DNAJC16: variants seen among roughly 807,000 people sequenced by gnomAD.
DNAJC16 encodes the protein dnaJ homolog subfamily C member 16.
DNAJC16 carries 76 observed loss-of-function variants against 92.7 expected under a neutral mutation model. The observed-to-expected ratio is 0.82, with a 90% CI of 0.68 to 0.99. The LOEUF (loss-of-function observed/expected upper bound fraction) is 0.99, where lower values mean the gene tolerates loss of function less well. DNAJC16 is among the 50% of genes least tolerant of loss of function. The probability of loss-of-function intolerance (pLI) is 0.00; values close to 1 mark genes in which losing one functional copy is unlikely to be tolerated. For synonymous variants in DNAJC16, 328 were observed against 358.7 expected (o/e 0.91, Z 0.97); for missense variants, 869 against 942.4 (o/e 0.92, Z 1.02).
At chr1:15,564,465 G>A in intron 11 of DNAJC16, 106 bp downstream of exon 11, 1 of 762,000 alleles carries the variant, frequency 1.3e-6, no homozygotes, top group South Asian at 1.5e-5. Context: ...TACACTTGAT[G>A]GGGCAAGTGG....
In DNAJC16 at chr1:15,534,246, C is replaced by T. The variant is rs760509270; in HGVS notation, c.177C>T (p.Asp59=). 3.0e-5 allele frequency: 48 copies of T among 1,613,926 alleles called. No homozygotes were observed. The highest frequency in any genetic ancestry group is 3.6e-5 in the Non-Finnish European group (43 of 1,179,940). Reference sequence around the variant, plus strand: ...CCTGTTTGTGTTTCAGGCATCCTGACAAAAACAAAGATCCTGGAGCAGAAG... The same window carrying T: ...CCTGTTTGTGTTTCAGGCATCCTGATAAAAACAAAGATCCTGGAGCAGAAG... ...YKKLAREWHP[D]KNKDPGAEDK... The change falls in exon 3 of 15, where the codon GAC becomes GAT. Residue 59 remains aspartate (D), a synonymous_variant. Coordinates refer to ENST00000375847, the MANE Select transcript of DNAJC16 (RefSeq NM_015291.4).
chr1:15,533,472 C>G (rs1181675659), intron 2 of DNAJC16, among the ~76,000 whole-genome samples: 1 of 152,032 alleles, frequency 6.6e-6, no homozygotes, highest in African/African-American at 2.4e-5. Flanking sequence ...ACTAAAAATA[C>G]AAAAATTAGC....
At position 15,562,149 on chromosome 1, in the gene DNAJC16, G is replaced by A. The variant is rs143037370; in HGVS notation, c.1162G>A (p.Val388Met). 867 of 1,613,656 alleles carry A rather than the reference G, an allele frequency of 5.4e-4. 1 individual carries two copies. The highest frequency in any genetic ancestry group is 6.8e-4 in the Non-Finnish European group (798 of 1,179,680). ...TGTCTTTTTGTTGTGCAGGTACTGT[G>A]TGGTTTTATTGACTGCTGAGACTAC... ...KRSHRQRKYC[V>M]VLLTAETTKL... is the part of the protein sequence containing the mutation. Residue 388 changes from valine to methionine, a missense_variant, in exon 9 of 15, where the codon GTG becomes ATG. Transcript: ENST00000375847.
intron 7 of DNAJC16, among the ~76,000 whole-genome samples, chr1:15,553,734 C>T (rs1557582290): frequency 1.3e-5 from 2 of 152,170 alleles, no homozygotes; most frequent in Non-Finnish European, 2.9e-5. Context: ...CTACTTACCT[C>T]CTTCCCAAAG....
chr1:15,529,340 T>G, intron 2 of DNAJC16, 68 bp downstream of exon 2: 3 of 1,447,162 alleles, frequency 2.1e-6, no homozygotes, highest in Non-Finnish European at 2.8e-6. Flanking sequence ...AAGTCTAAAT[T>G]ATGACTAGCT....
In DNAJC16 at chr1:15,546,851, A is replaced by G. The variant is rs764346425; in HGVS notation, c.844A>G (p.Ile282Val). Residue 282 changes from isoleucine (I) to valine (V), a missense_variant, in exon 6 of 15, where the codon ATT (isoleucine) becomes GTT (valine). Ile to Val is a conservative substitution (Grantham distance 29). Transcript: ENST00000375847. ...PHVLLFDQTP[I>V]VPLLYKLTAF... The stretch of plus-strand genomic sequence containing the variant: ...TGTCCTTCTGTTTGACCAAACGCCC[A>G]TTGTGCCACTGTTATACAAGGTACT... The G allele has an allele frequency of 1.7e-5, 28 of 1,610,538 alleles. No individual in the cohort carries two copies. The Admixed American group carries it at 4.5e-4, about 26-fold the overall frequency.
chr1:15,563,728 A>C (rs1193912329), intron 9 of DNAJC16, among the ~76,000 whole-genome samples: 3 of 147,518 alleles, frequency 2.0e-5, no homozygotes, highest in Non-Finnish European at 4.5e-5. Flanking sequence ...AGGTGCCTCT[A>C]GTCCCAGCCA....
At chr1:15,538,881 C>T (rs1412225243) in intron 4 of DNAJC16, among the ~76,000 whole-genome samples, 1 of 152,194 alleles carries the variant, frequency 6.6e-6, no homozygotes, top group East Asian at 1.9e-4. Flanking sequence ...TATTTTGCAT[C>T]TTGTGGTTAG....
Position 15,548,396 on chromosome 1 carries a change from G to A in DNAJC16, c.991G>A (p.Glu331Lys). 6.2e-7 allele frequency: 1 copy of A among 1,614,048 alleles called. No individual in the cohort carries two copies. The highest frequency in any genetic ancestry group is 8.5e-7 in the Non-Finnish European group (1 of 1,179,978). ...CGCCCCTACCCTCTTGGTCTTTAAA[G>A]AACATATAAACAGGCCTGCCGATGT... ...IYAPTLLVFK[E>K]HINRPADVIQ... Residue 331 changes from glutamate to lysine, a missense_variant, in exon 7 of 15, where the codon GAA (glutamate) becomes AAA (lysine). Physicochemically the swap from Glu to Lys is moderately conservative, Grantham distance 56. Coordinates refer to ENST00000375847, the MANE Select transcript of DNAJC16 (RefSeq NM_015291.4).
chr1:15,531,878 TAGC>T (rs1409622615), intron 2 of DNAJC16, among the ~76,000 whole-genome samples: 1 of 152,236 alleles, frequency 6.6e-6, no homozygotes, highest in Non-Finnish European at 1.5e-5. Context: ...ACACTGAAAA[TAGC>T]AGTGTTTCCC....
chr1:15,530,767 A>G (rs1243892544), intron 2 of DNAJC16, among the ~76,000 whole-genome samples: 1 of 152,130 alleles, frequency 6.6e-6, no homozygotes, highest in African/African-American at 2.4e-5. Context: ...GGCTCACTGT[A>G]ACCTCCGCTT....
At chr1:15,535,414 G>A (rs1710756030) in intron 3 of DNAJC16, among the ~76,000 whole-genome samples, 1 of 152,212 alleles carries the variant, frequency 6.6e-6, no homozygotes, top group Non-Finnish European at 1.5e-5. Context: ...TTTCTCTAGT[G>A]AAAGAAGAGT....
chr1:15,538,097 C>A (rs1412088268), intron 4 of DNAJC16, among the ~76,000 whole-genome samples: 2 of 152,090 alleles, frequency 1.3e-5, no homozygotes, highest in African/African-American at 4.8e-5. Context: ...CCATGACTTC[C>A]TGTTTAAAAA....
chr1:15,559,741 C>T, intron 8 of DNAJC16, 85 bp downstream of exon 8: 1 of 1,529,758 alleles, frequency 6.5e-7, no homozygotes, highest in South Asian at 1.2e-5. Flanking sequence ...AGACATCTGC[C>T]CTGTAACATT....
intron 7 of DNAJC16, among the ~76,000 whole-genome samples, chr1:15,550,420 G>T (rs1638418809): frequency 6.6e-6 from 1 of 152,212 alleles, no homozygotes; most frequent in Non-Finnish European, 1.5e-5. Context: ...TTTCACAACA[G>T]CAGGTGGCTT....
At chr1:15,563,510 C>G (rs1474419264) in intron 9 of DNAJC16, among the ~76,000 whole-genome samples, 1 of 149,736 alleles carries the variant, frequency 6.7e-6, no homozygotes, top group Non-Finnish European at 1.5e-5. Context: ...GCCTGGGAGA[C>G]AAGGGCGAAA....
intron 7 of DNAJC16, among the ~76,000 whole-genome samples, chr1:15,554,202 CA>C (rs112745207): frequency 0.013 from 1,676 of 133,686 alleles, 23 homozygotes; most frequent in African/African-American, 0.036. Flanking sequence ...GACCCTGTCT[CA>C]AAAAAAAAAA....
Position 15,563,946 on chromosome 1 carries a change from G to A in DNAJC16, c.1356G>A (p.Arg452=). The A allele has an allele frequency of 6.2e-7, 1 of 1,613,690 alleles. No individual in the cohort carries two copies. Among genetic ancestry groups the A allele is most frequent in the Non-Finnish European group, 8.5e-7 (1 of 1,179,854 alleles). ...TCTTCCAGGTGTCTATTTTAGAAAGGCGCAACACAGCAGGAAGGGTGGTGT... is the reference window on the plus strand; with the variant it reads ...TCTTCCAGGTGTCTATTTTAGAAAGACGCAACACAGCAGGAAGGGTGGTGT... ...QGKSAVSILE[R]RNTAGRVVYK... Residue 452 remains arginine, a synonymous_variant, in exon 10 of 15, where the codon AGG becomes AGA. Coordinates refer to ENST00000375847, the MANE Select transcript of DNAJC16 (RefSeq NM_015291.4).
chr1:15,561,128 T>C (rs1267647705), intron 8 of DNAJC16, among the ~76,000 whole-genome samples: 2 of 151,570 alleles, frequency 1.3e-5, no homozygotes, highest in Admixed American at 6.6e-5. Flanking sequence ...TTTTTTAATA[T>C]ATAGCACTTG....
Sources: gnomAD v4.1 joint callset for allele counts (sites outside exome capture counted in the v4.1 genomes callset) on GRCh38, gnomAD v4.1.1 for gene constraint, MANE v1.5 for transcripts, NCBI Gene and HGNC (gene_info 2026-07-23, HGNC 2026-07-21) for gene names.